TRIM44: variants seen among roughly 807,000 people sequenced by gnomAD.
TRIM44 encodes the protein tripartite motif containing 44.
In TRIM44, 13 loss-of-function variants were observed where a neutral mutation model predicts 37.4. That is an observed-to-expected ratio of 0.35 (90% CI 0.23 to 0.55). TRIM44 has a LOEUF of 0.55. TRIM44 is among the 20% of genes least tolerant of loss of function. The pLI, the probability that TRIM44 is intolerant of heterozygous loss-of-function variation, is 0.89. For synonymous variants in TRIM44, 175 were observed against 157.2 expected (o/e 1.11, Z -0.85); for missense variants, 426 against 437.2 (o/e 0.97, Z 0.23).
intron 4 of TRIM44, among the ~76,000 whole-genome samples, chr11:35,783,356 G>A (rs984927940): frequency 1.3e-5 from 2 of 152,070 alleles, no homozygotes; most frequent in Non-Finnish European, 2.9e-5. Context: ...CACTGATGTT[G>A]CCCAGAGCCC....
intron 1 of TRIM44, among the ~76,000 whole-genome samples, chr11:35,679,904 C>G (rs915372255): frequency 3.3e-5 from 5 of 152,166 alleles, no homozygotes; most frequent in Non-Finnish European, 7.3e-5. Flanking sequence ...CAAGCTCACA[C>G]AAGCAGTTGC....
intron 1 of TRIM44, among the ~76,000 whole-genome samples, chr11:35,684,330 C>G (rs1851550897): frequency 1.3e-5 from 2 of 152,022 alleles, no homozygotes; most frequent in South Asian, 2.1e-4. Flanking sequence ...AAGTAAAATA[C>G]ATCAAAATCA....
chr11:35,751,826 A>C (rs1852562784), intron 4 of TRIM44, among the ~76,000 whole-genome samples: 1 of 152,212 alleles, frequency 6.6e-6, no homozygotes. Context: ...GCACCTTTAC[A>C]ATTTACAGGA....
At chr11:35,797,720 C>T (rs1853311576) in intron 4 of TRIM44, among the ~76,000 whole-genome samples, 1 of 152,144 alleles carries the variant, frequency 6.6e-6, no homozygotes. Context: ...CCCTCAAAAC[C>T]GTCCTCACCA....
chr11:35,684,098 G>A (rs1037559353), intron 1 of TRIM44, among the ~76,000 whole-genome samples: 4 of 152,170 alleles, frequency 2.6e-5, no homozygotes, highest in Admixed American at 2.0e-4. Context: ...AGGTCACACA[G>A]CTAGTGTGTG....
In TRIM44 at chr11:35,740,344, GT is replaced by G. The variant is rs535468960; in HGVS notation, c.1007+4900del. Among the ~76,000 whole-genome samples, 14 of 152,242 alleles carry G rather than the reference GT, an allele frequency of 9.2e-5. No homozygotes were observed. The South Asian group carries it at 2.1e-3, about 23-fold the overall frequency. ...GATCTGTTGGCGTAAAAGCTGTTGT[GT>G]AGTGGTAGGAAGTCAGAGAGGGAAA... On this transcript the variant is annotated intron_variant, in intron 4 of 4. Coordinates refer to ENST00000299413, the MANE Select transcript of TRIM44 (RefSeq NM_017583.6).
intron 4 of TRIM44, among the ~76,000 whole-genome samples, chr11:35,779,071 C>A (rs568791723): frequency 1.3e-5 from 2 of 152,348 alleles, no homozygotes; most frequent in South Asian, 2.1e-4. Flanking sequence ...AGGCAGGCCT[C>A]CTTGAGCTGC....
chr11:35,688,043 T>C (rs558143227), intron 2 of TRIM44, among the ~76,000 whole-genome samples: 14 of 152,228 alleles, frequency 9.2e-5, no homozygotes, highest in Non-Finnish European at 1.8e-4. Context: ...AAGAAGATTT[T>C]CCTAGAAATA....
chr11:35,782,980 A>C (rs1853085213), intron 4 of TRIM44, among the ~76,000 whole-genome samples: 1 of 152,210 alleles, frequency 6.6e-6, no homozygotes, highest in Admixed American at 6.5e-5. Context: ...GCCAGGTGAT[A>C]CCTAAAATCA....
intron 2 of TRIM44, among the ~76,000 whole-genome samples, chr11:35,693,964 C>T (rs1851666494): frequency 6.6e-6 from 1 of 152,040 alleles, no homozygotes; most frequent in African/African-American, 2.4e-5. Flanking sequence ...ACCCAGGGTC[C>T]CCATAAACCA....
chr11:35,764,122 T>G (rs1852762270), intron 4 of TRIM44, among the ~76,000 whole-genome samples: 1 of 152,216 alleles, frequency 6.6e-6, no homozygotes, highest in African/African-American at 2.4e-5. Context: ...TGCTTGCTCC[T>G]TCTCATGGGA....
intron 4 of TRIM44, among the ~76,000 whole-genome samples, chr11:35,796,444 T>C (rs635138): frequency 0.26 from 38,824 of 152,206 alleles, 6,079 homozygotes; most frequent in Middle Eastern, 0.45. Flanking sequence ...TTAAATCTTA[T>C]GTTTAAGATT....
At chr11:35,684,252 G>C (rs1468657898) in intron 1 of TRIM44, among the ~76,000 whole-genome samples, 2 of 151,792 alleles carry the variant, frequency 1.3e-5, no homozygotes, top group East Asian at 3.9e-4. Context: ...AGATTTCAAA[G>C]ACCTAGCATA....
intron 4 of TRIM44, among the ~76,000 whole-genome samples, chr11:35,769,585 A>T (rs1852840118): frequency 6.6e-6 from 1 of 152,202 alleles, no homozygotes; most frequent in South Asian, 2.1e-4. Flanking sequence ...TAGTTTATGT[A>T]AACTCTTCAG....
chr11:35,803,217 C>G (rs1252112904), intron 4 of TRIM44, among the ~76,000 whole-genome samples: 3 of 151,266 alleles, frequency 2.0e-5, no homozygotes, highest in Non-Finnish European at 2.9e-5. Flanking sequence ...CTGCCTCTCT[C>G]ATTGGTAAGT....
chr11:35,712,712 G>T (rs187267192), intron 2 of TRIM44, among the ~76,000 whole-genome samples: 6 of 152,258 alleles, frequency 3.9e-5, no homozygotes, highest in Admixed American at 1.3e-4. Flanking sequence ...AGCTTGAAGG[G>T]CTGATTACAC....
At position 35,690,722 on chromosome 11, in the gene TRIM44, A is replaced by G. The variant is rs553047705; in HGVS notation, c.747+5386A>G. On this transcript the variant is annotated intron_variant, in intron 2 of 4. Coordinates refer to ENST00000299413, the MANE Select transcript of TRIM44 (RefSeq NM_017583.6). ...TGAGTTATATTTATTTTATCCCTGT[A>G]TCTTCAGCCCTTATTAGCATGGAAC... 1.8e-4 allele frequency among the ~76,000 whole-genome samples: 27 copies of G among 152,320 alleles called. No individual in the cohort carries two copies. In the South Asian group the frequency reaches 3.9e-3, roughly 22 times the overall value.
rs562662378 is a variant in TRIM44 at position 35,795,694 on chromosome 11, G to A, written c.1008-10664G>A. Among the ~76,000 whole-genome samples the A allele has an allele frequency of 7.9e-5, 12 of 151,218 alleles. No individual in the cohort carries two copies. The South Asian group carries it at 1.5e-3, about 19-fold the overall frequency. On this transcript the variant is annotated intron_variant, in intron 4 of 4. Transcript: ENST00000299413. ...GGTGACAACAGTGTTAACTCTTCCCGTTTTTTTTTAATAGATAGCAGTTTC... is the reference window on the plus strand; with the variant it reads ...GGTGACAACAGTGTTAACTCTTCCCATTTTTTTTTAATAGATAGCAGTTTC...
chr11:35,790,618 CTG>C, intron 4 of TRIM44, among the ~76,000 whole-genome samples: 1 of 152,136 alleles, frequency 6.6e-6, no homozygotes, highest in South Asian at 2.1e-4. Context: ...TCTGACAGCA[CTG>C]AACTGCAGTA....
Sources: gnomAD v4.1 joint callset for allele counts (sites outside exome capture counted in the v4.1 genomes callset) on GRCh38, gnomAD v4.1.1 for gene constraint, MANE v1.5 for transcripts, NCBI Gene and HGNC (gene_info 2026-07-23, HGNC 2026-07-21) for gene names.